MMAB: variants seen among roughly 807,000 people sequenced by gnomAD.
The protein encoded by MMAB is metabolism of cobalamin associated B, also known as corrinoid adenosyltransferase MMAB.
Under a neutral mutation model 30.6 loss-of-function variants are expected in MMAB, and 17 were observed. The ratio of observed to expected loss-of-function variants is 0.56; its 90% confidence interval spans 0.38 to 0.83. The LOEUF is 0.83. Among genes scored for constraint, MMAB ranks in the 40% least tolerant of loss-of-function variants. MMAB has a pLI of 0.00. For missense variants in MMAB, 311 were observed against 331.6 expected (o/e 0.94, Z 0.48); for synonymous variants, 134 against 138.6 (o/e 0.97, Z 0.23).
intron 4 of MMAB, among the ~76,000 whole-genome samples, chr12:109,563,044 T>C (rs967119411): frequency 2.0e-5 from 3 of 152,204 alleles, no homozygotes; most frequent in African/African-American, 7.2e-5. Flanking sequence ...AAGCAGGCCA[T>C]GGTGTGTGAG....
rs1057519147 is a variant in MMAB at position 109,561,042 on chromosome 12, T to C, written c.582A>G (p.Arg194=). ...CTCCCTCTCTCCAGCCCTCTTACCG[T>C]CTCTCGGCCCGGCGGCACACGGCCC... ...FCRAVCRRAE[R]RVVPLVQMGE... The change falls in exon 7 of 9, where the codon AGA becomes AGG. Residue 194 remains arginine (R), a splice_region_variant and synonymous_variant. Transcript: ENST00000545712. The surrounding 1 kb of genome is among the most constrained non-coding windows in gnomAD (Gnocchi z 5.3). 6.9e-7 allele frequency: 1 copy of C among 1,455,684 alleles called. No homozygotes were observed. Among genetic ancestry groups the C allele is most frequent in the African/African-American group, 1.5e-5 (1 of 68,282 alleles). The allele number at this position is 1,455,684 out of a possible 1,614,324, so 90.2% of individuals were successfully genotyped here.
At chr12:109,559,552 C>T (rs1884117473) in intron 7 of MMAB, among the ~76,000 whole-genome samples, 1 of 152,212 alleles carries the variant, frequency 6.6e-6, no homozygotes, top group Non-Finnish European at 1.5e-5. Context: ...ACTCTAAGCC[C>T]CTTGTACATC....
Position 109,568,697 on chromosome 12 carries a change from A to C in MMAB, c.290+73T>G, listed in dbSNP as rs1179768303. ...CCGAGGCTGCTGCCCAGCATGCGTG[A>C]GAGCTTCACATTCATTACGTTTACT... On this transcript the variant is annotated intron_variant, in intron 3 of 8. Coordinates refer to ENST00000545712, the MANE Select transcript of MMAB (RefSeq NM_052845.4). 4.3e-6 allele frequency: 5 copies of C among 1,172,980 alleles called. No homozygotes were observed. In the Admixed American group the frequency reaches 6.7e-5, roughly 16 times the overall value. The allele number at this position is 1,172,980 out of a possible 1,614,324, so 72.7% of individuals were successfully genotyped here.
rs72650186 is a variant in MMAB, at chr12:109,561,249, C to T, written c.520-145G>A. 41 of 1,589,552 alleles carry T rather than the reference C, an allele frequency of 2.6e-5. No individual in the cohort carries two copies. Among genetic ancestry groups the T allele is most frequent in the South Asian group, 3.3e-5 (3 of 89,794 alleles). The stretch of plus-strand genomic sequence containing the variant: ...CCTGCCACGGCACACCCACCGGGCA[C>T]GCTGCTCCAGAGTGGGCAGGGCTGG... On this transcript the variant is annotated intron_variant, in intron 6 of 8. Coordinates refer to ENST00000545712, the MANE Select transcript of MMAB (RefSeq NM_052845.4). The surrounding 1 kb of genome is among the most constrained non-coding windows in gnomAD (Gnocchi z 5.3).
In MMAB at chr12:109,561,188, G is replaced by A. The variant is rs1415029742; in HGVS notation, c.520-84C>T. 6.3e-7 allele frequency: 1 copy of A among 1,594,854 alleles called. No homozygotes were observed. Among genetic ancestry groups the A allele is most frequent in the African/African-American group, 1.3e-5 (1 of 74,836 alleles). The stretch of plus-strand genomic sequence containing the variant: ...AGGAGCTCCTCTGAAGTCCAGCCCT[G>A]CCCCCCAAACCGGGCAGTGTTCTGC... On this transcript the variant is annotated intron_variant, in intron 6 of 8. Coordinates refer to ENST00000545712, the MANE Select transcript of MMAB (RefSeq NM_052845.4). The surrounding 1 kb of genome is among the most constrained non-coding windows in gnomAD (Gnocchi z 5.3).
chr12:109,561,520 G>A lies in MMAB; in HGVS notation c.422-3C>T. 1 of 1,547,624 alleles carries A rather than the reference G, an allele frequency of 6.5e-7. No homozygotes were observed. On this transcript the variant is annotated splice_polypyrimidine_tract_variant and splice_region_variant and intron_variant, in intron 5 of 8. Transcript: ENST00000545712. The surrounding 1 kb of genome is among the most constrained non-coding windows in gnomAD (Gnocchi z 5.3). ...CCCCGCCTTGAACGTGGTATACTCT[G>A]AGGAGCCAAGGAGCAGAGGGAACTG...
chr12:109,564,419 T>G (rs1249147105), intron 4 of MMAB, among the ~76,000 whole-genome samples: 1 of 150,808 alleles, frequency 6.6e-6, no homozygotes, highest in East Asian at 2.0e-4. Flanking sequence ...GATCCCACTC[T>G]GTTGCCCAGG....
Position 109,556,646 on chromosome 12 carries a change from TCTCACACACACACACACACACA to T in MMAB, c.*360_*381del, listed in dbSNP as rs1883982462. 1.2e-5 allele frequency: 5 copies of T among 427,864 alleles called. No homozygotes were observed. The highest frequency in any genetic ancestry group is 3.2e-5 in the South Asian group (2 of 61,982). 26.5% of individuals were successfully genotyped at this position (427,864 alleles called of 1,614,324 possible). On this transcript the variant is annotated 3_prime_UTR_variant, in exon 9 of 9. Coordinates refer to ENST00000545712, the MANE Select transcript of MMAB (RefSeq NM_052845.4). ...CTGAGCTGGCAGTGGGAGGGCTCTC[TCTCACACACACACACACACACA>T]CACACACACACACACACACACACAC... is the stretch of plus-strand genomic sequence containing the variant.
At chr12:109,564,046 G>A (rs932348204) in intron 4 of MMAB, among the ~76,000 whole-genome samples, 1 of 152,258 alleles carries the variant, frequency 6.6e-6, no homozygotes, top group Non-Finnish European at 1.5e-5. Context: ...GCTCACTGCA[G>A]CTAGGCTTCC....
chr12:109,571,207 A>T (rs1884616443), intron 2 of MMAB, among the ~76,000 whole-genome samples: 1 of 152,130 alleles, frequency 6.6e-6, no homozygotes, highest in Non-Finnish European at 1.5e-5. Context: ...ACATTTTTGT[A>T]ACATATTTTG....
Position 109,556,016 on chromosome 12 carries a change from C to T in MMAB, c.*1012G>A, listed in dbSNP as rs1319560386. On this transcript the variant is annotated 3_prime_UTR_variant, in exon 9 of 9. Transcript: ENST00000545712. Reference sequence around the variant, plus strand: ...GAGCCTGCCCTTCCAAAGTCATTTCCTGCAATTAGCAGCCTGCAGTCTTTA... The same window carrying T: ...GAGCCTGCCCTTCCAAAGTCATTTCTTGCAATTAGCAGCCTGCAGTCTTTA... The T allele has an allele frequency of 2.2e-6, 1 of 454,088 alleles. No homozygotes were observed. The highest frequency in any genetic ancestry group is 2.3e-5 in the Admixed American group (1 of 42,576). 28.1% of individuals were successfully genotyped at this position (454,088 alleles called of 1,614,324 possible). A position where few individuals can be genotyped will look rare whatever the true frequency, so the allele number is the denominator to read the frequency against.
At chr12:109,560,618 A>G (rs1483982676) in intron 7 of MMAB, among the ~76,000 whole-genome samples, 2 of 152,192 alleles carry the variant, frequency 1.3e-5, no homozygotes, top group Admixed American at 1.3e-4. Context: ...CAGGAGCCTT[A>G]TGCACCCAGC....
Position 109,554,819 on chromosome 12 carries a change from A to G in MMAB, c.*2209T>C. ...AATGTTTTAAACACCCCATCCTTCC[A>G]GCCCCCAAAGCAAGCTTTCTCCATT... is the stretch of plus-strand genomic sequence containing the variant. On this transcript the variant is annotated 3_prime_UTR_variant, in exon 9 of 9. Coordinates refer to ENST00000545712, the MANE Select transcript of MMAB (RefSeq NM_052845.4). 1 of 454,056 alleles carries G rather than the reference A, an allele frequency of 2.2e-6. No individual in the cohort carries two copies. The highest frequency in any genetic ancestry group is 4.4e-6 in the Non-Finnish European group (1 of 226,738). 28.1% of individuals were successfully genotyped at this position (454,056 alleles called of 1,614,324 possible).
chr12:109,555,240 C>G lies in MMAB; in HGVS notation c.*1788G>C. The G allele has an allele frequency of 2.2e-6, 1 of 449,124 alleles. No individual in the cohort carries two copies. Among genetic ancestry groups the G allele is most frequent in the South Asian group, 1.6e-5 (1 of 64,026 alleles). The allele number at this position is 449,124 out of a possible 1,614,324, so 27.8% of individuals were successfully genotyped here. Reference sequence around the variant, plus strand: ...ATTCGCTGCAAGCTCTTTGAACATACTCCCTGACCGAGCCTTAGTGATTGC... The same window carrying G: ...ATTCGCTGCAAGCTCTTTGAACATAGTCCCTGACCGAGCCTTAGTGATTGC... On this transcript the variant is annotated 3_prime_UTR_variant, in exon 9 of 9. Coordinates refer to ENST00000545712, the MANE Select transcript of MMAB (RefSeq NM_052845.4).
rs1336448595 is a variant in MMAB at position 109,569,474 on chromosome 12, T to G, written c.197-611A>C. ...TTCTTTCCTGATGTGCTTTTCAACT[T>G]AAAAACCACATACTAACCATCCTGA... On this transcript the variant is annotated intron_variant, in intron 2 of 8. Coordinates refer to ENST00000545712, the MANE Select transcript of MMAB (RefSeq NM_052845.4). This position sits in a 1 kb window ranked among gnomAD's most constrained non-coding sequence, Gnocchi z 4.1. Among the ~76,000 whole-genome samples, 1 of 152,206 alleles carries G rather than the reference T, an allele frequency of 6.6e-6. No individual in the cohort carries two copies. The highest frequency in any genetic ancestry group is 1.9e-4 in the East Asian group (1 of 5,204).
intron 7 of MMAB, among the ~76,000 whole-genome samples, 195 bp from the exon 8 acceptor site, chr12:109,559,350 A>G (rs1180200187): frequency 6.6e-6 from 1 of 152,196 alleles, no homozygotes; most frequent in Non-Finnish European, 1.5e-5. Flanking sequence ...CCACCAGCAC[A>G]TCGCAGGACG....
At chr12:109,565,697 T>G (rs113061760) in intron 3 of MMAB, among the ~76,000 whole-genome samples, 3,879 of 152,286 alleles carry the variant, frequency 0.025, 175 homozygotes, top group African/African-American at 0.088. Context: ...TACTCCTGAA[T>G]GTGAAGGTGC....
chr12:109,559,098 G>C lies in MMAB; in HGVS notation c.642C>G (p.Asn214Lys). The C allele has an allele frequency of 6.2e-7, 1 of 1,613,328 alleles. No individual in the cohort carries two copies. Among genetic ancestry groups the C allele is most frequent in the Non-Finnish European group, 8.5e-7 (1 of 1,179,408 alleles). The change falls in exon 8 of 9, where the codon AAC becomes AAG. Residue 214 changes from asparagine (N) to lysine (K), a missense_variant and splice_region_variant. Transcript: ENST00000545712. ...ACCCCCAGGTTCCACGCGAGTACCT[G>C]TTTAAGAACTTGGCCACGTTCGCAT... ...ETDANVAKFL[N>K]RLSDYLFTLA...
Position 109,555,509 on chromosome 12 carries a change from G to T in MMAB, c.*1519C>A, listed in dbSNP as rs966714249. On this transcript the variant is annotated 3_prime_UTR_variant, in exon 9 of 9. Transcript: ENST00000545712. ...GGGTTTTACCATGTTGACCAGGCTG[G>T]TCTCAAACTCCTGACCTCAGGTGAT... The T allele has an allele frequency of 2.4e-6, 1 of 419,094 alleles. No individual in the cohort carries two copies. The highest frequency in any genetic ancestry group is 2.2e-5 in the African/African-American group (1 of 45,498). 26.0% of individuals were successfully genotyped at this position (419,094 alleles called of 1,614,324 possible). A position where few individuals can be genotyped will look rare whatever the true frequency, so the allele number is the denominator to read the frequency against.
Sources: gnomAD v4.1 joint callset for allele counts (sites outside exome capture counted in the v4.1 genomes callset) on GRCh38, gnomAD v4.1.1 for gene constraint, Gnocchi (gnomAD v3.1) non-coding constraint, MANE v1.5 for transcripts, NCBI Gene and HGNC (gene_info 2026-07-23, HGNC 2026-07-21) for gene names.